Variants in NFASC observed in about 807,000 individuals in gnomAD.
The protein encoded by NFASC is neurofascin.
NFASC carries 43 observed loss-of-function variants against 147.5 expected under a neutral mutation model. That is an observed-to-expected ratio of 0.29 (90% CI 0.23 to 0.38). NFASC has a LOEUF of 0.38. Ranked by LOEUF, NFASC falls within the 10% of genes least tolerant of loss-of-function variation. NFASC has a pLI of 1.00. For missense variants in NFASC, 1,320 were observed against 1,689.0 expected (o/e 0.78, Z 3.83); for synonymous variants, 622 against 665.5 (o/e 0.93, Z 1.01).
intron 1 of NFASC, among the ~76,000 whole-genome samples, chr1:204,883,857 G>A (rs1374125695): frequency 6.6e-6 from 1 of 152,202 alleles, no homozygotes; most frequent in Non-Finnish European, 1.5e-5. Flanking sequence ...GCAGGGATGA[G>A]TGGTGCCTGA....
At chr1:204,893,211 G>A (rs1451119444) in intron 1 of NFASC, among the ~76,000 whole-genome samples, 1 of 152,212 alleles carries the variant, frequency 6.6e-6, no homozygotes, top group Non-Finnish European at 1.5e-5. Context: ...CTGTAAGGAG[G>A]AAGAGAAGAT....
At chr1:204,899,738 A>C (rs182264600) in intron 1 of NFASC, among the ~76,000 whole-genome samples, 1 of 152,336 alleles carries the variant, frequency 6.6e-6, no homozygotes, top group African/African-American at 2.4e-5. Flanking sequence ...AATGACTTAC[A>C]TATCACCTTG....
At chr1:204,985,559 G>T (rs1408570021) in intron 21 of NFASC, among the ~76,000 whole-genome samples, 1 of 152,114 alleles carries the variant, frequency 6.6e-6, no homozygotes, top group East Asian at 1.9e-4. Context: ...ACTATTTTTG[G>T]TTCTGGCACG....
chr1:204,965,423 G>T (rs572211194), intron 8 of NFASC, among the ~76,000 whole-genome samples: 2 of 152,236 alleles, frequency 1.3e-5, no homozygotes, highest in East Asian at 3.9e-4. Context: ...TGCTGCAATT[G>T]ACTGCATTTC....
chr1:204,854,900 G>C (rs1241335824), intron 1 of NFASC, among the ~76,000 whole-genome samples: 1 of 152,266 alleles, frequency 6.6e-6, no homozygotes, highest in Non-Finnish European at 1.5e-5. Context: ...ATACTTGGGA[G>C]TGGTATACAA....
chr1:204,939,170 AT>A (rs1288945950), intron 2 of NFASC, among the ~76,000 whole-genome samples: 1 of 150,008 alleles, frequency 6.7e-6, no homozygotes, highest in African/African-American at 2.5e-5. Flanking sequence ...TCCACATAGG[AT>A]TTATTTCTTT....
At chr1:204,906,683 A>G (rs2085960138) in intron 1 of NFASC, among the ~76,000 whole-genome samples, 1 of 134,074 alleles carries the variant, frequency 7.5e-6, no homozygotes, top group Admixed American at 8.3e-5. Flanking sequence ...GTGGACATAT[A>G]TGCATTTTTT....
At chr1:204,957,958 G>A (rs2094501615) in intron 8 of NFASC, 132 bp downstream of exon 8, 6 of 787,588 alleles carry the variant, frequency 7.6e-6, no homozygotes, top group Non-Finnish European at 1.2e-5. Context: ...TCCAGCTCAT[G>A]GTGCCTGAGC....
chr1:204,930,232 A>G (rs1301820041), intron 2 of NFASC, among the ~76,000 whole-genome samples: 3 of 152,184 alleles, frequency 2.0e-5, no homozygotes. Context: ...TGGCCCTGAC[A>G]GGTCAGACAG....
chr1:204,975,521 G>C lies in NFASC; in HGVS notation c.1706+103G>C. On this transcript the variant is annotated intron_variant, in intron 15 of 29. Transcript: ENST00000339876. This position sits in a 1 kb window ranked among gnomAD's most constrained non-coding sequence, Gnocchi z 4.0. ...AAGAACACAGGGACAGGGAACCCGTGTCATGCATGTCACCAAGGAGCTTCT... is the reference window on the plus strand; with the variant it reads ...AAGAACACAGGGACAGGGAACCCGTCTCATGCATGTCACCAAGGAGCTTCT... The C allele has an allele frequency of 6.9e-7, 1 of 1,440,776 alleles. No homozygotes were observed. The highest frequency in any genetic ancestry group is 1.3e-5 in the South Asian group (1 of 77,430). The allele number at this position is 1,440,776 out of a possible 1,614,324, so 89.2% of individuals were successfully genotyped here. A position where few individuals can be genotyped will look rare whatever the true frequency, so the allele number is the denominator to read the frequency against.
chr1:204,974,353 T>C, intron 13 of NFASC, 63 bp downstream of exon 13: 2 of 1,303,310 alleles, frequency 1.5e-6, no homozygotes, highest in East Asian at 2.4e-5. Context: ...CTCCTTCCCA[T>C]CTGGCCCATA....
At chr1:204,988,602 A>C (rs1468211201) in intron 22 of NFASC, 31 bp from the exon 23 acceptor site, 6 of 1,604,702 alleles carry the variant, frequency 3.7e-6, no homozygotes, top group Admixed American at 3.3e-5. Context: ...ATGTTGCTAA[A>C]GTTTAATTCC....
At chr1:205,009,520 A>T in intron 27 of NFASC, 37 bp from the exon 28 acceptor site, 1 of 1,610,696 alleles carries the variant, frequency 6.2e-7, no homozygotes, top group Non-Finnish European at 8.5e-7. Flanking sequence ...TCCCCCATGA[A>T]ATCATTCACG....
intron 1 of NFASC, among the ~76,000 whole-genome samples, chr1:204,843,288 A>G (rs976268894): frequency 6.6e-6 from 1 of 152,144 alleles, no homozygotes; most frequent in African/African-American, 2.4e-5. Context: ...TCCTTTTTTA[A>G]TTGAACATGT....
At chr1:204,957,923 T>C in intron 8 of NFASC, 97 bp downstream of exon 8, 1 of 1,119,624 alleles carries the variant, frequency 8.9e-7, no homozygotes, top group East Asian at 2.4e-5. Flanking sequence ...GGGAGACTTG[T>C]CCTTGAGGCT....
At chr1:204,960,377 C>G (rs2094606142) in intron 8 of NFASC, among the ~76,000 whole-genome samples, 2 of 152,192 alleles carry the variant, frequency 1.3e-5, no homozygotes, top group Non-Finnish European at 2.9e-5. Context: ...CTGGGCCCGT[C>G]CCACTCTGCC....
chr1:204,991,336 A>G, intron 24 of NFASC, 30 bp downstream of exon 24: 1 of 1,610,256 alleles, frequency 6.2e-7, no homozygotes, highest in Non-Finnish European at 8.5e-7. Flanking sequence ...GGTAATGGGC[A>G]TGGCATGGGG....
intron 27 of NFASC, among the ~76,000 whole-genome samples, chr1:205,007,937 C>CGGG: frequency 6.6e-6 from 1 of 152,232 alleles, no homozygotes; most frequent in Non-Finnish European, 1.5e-5. Context: ...GACACTGTGG[C>CGGG]GGGGGCCTGC....
intron 8 of NFASC, among the ~76,000 whole-genome samples, chr1:204,965,992 G>A (rs183740825): frequency 3.9e-5 from 6 of 152,348 alleles, no homozygotes; most frequent in East Asian, 1.9e-4. Flanking sequence ...AAATGGTGGT[G>A]TGGATGGAGC....
Sources: allele counts gnomAD v4.1 joint callset (sites outside exome capture counted in the v4.1 genomes callset), GRCh38; gene constraint gnomAD v4.1.1; non-coding constraint Gnocchi (gnomAD v3.1); transcripts MANE v1.5; gene names NCBI Gene and HGNC (gene_info 2026-07-23, HGNC 2026-07-21).